The following MTHFS variants were observed in gnomAD, a reference collection of about 807,000 sequenced individuals.
The protein encoded by MTHFS is 5-formyltetrahydrofolate cyclo-ligase.
Under a neutral mutation model 12.7 loss-of-function variants are expected in MTHFS, and 7 were observed. That is an observed-to-expected ratio of 0.55 (90% CI 0.31 to 1.03). The LOEUF is 1.03. Ranked by LOEUF, MTHFS falls within the 50% of genes least tolerant of loss-of-function variation. MTHFS has a pLI of 0.05. For synonymous variants in MTHFS, 100 were observed against 97.1 expected (o/e 1.03, Z -0.18); for missense variants, 252 against 258.1 (o/e 0.98, Z 0.16).
intron 2 of MTHFS, among the ~76,000 whole-genome samples, chr15:79,866,633 T>C (rs1037476063): frequency 2.0e-5 from 3 of 152,098 alleles, no homozygotes; most frequent in African/African-American, 7.2e-5. Flanking sequence ...CACACGACCT[T>C]CCAAAACATT....
intron 1 of MTHFS, among the ~76,000 whole-genome samples, chr15:79,895,492 A>G (rs2034552192): frequency 6.6e-6 from 1 of 152,176 alleles, no homozygotes; most frequent in Non-Finnish European, 1.5e-5. Flanking sequence ...TTTCATCTCC[A>G]CAACCCAGTA....
chr15:79,849,639 GCT>G (rs1219912065), intron 2 of MTHFS, among the ~76,000 whole-genome samples: 1 of 152,226 alleles, frequency 6.6e-6, no homozygotes, highest in African/African-American at 2.4e-5. Context: ...CTCTGGCATT[GCT>G]CTGTTTTCAA....
chr15:79,869,306 T>C (rs28436696), intron 2 of MTHFS, among the ~76,000 whole-genome samples: 6,214 of 152,270 alleles, frequency 0.041, 351 homozygotes, highest in East Asian at 0.26. Context: ...AGTGCAAATA[T>C]TTCCCATTAA....
chr15:79,866,875 G>A (rs2034021022), intron 2 of MTHFS, among the ~76,000 whole-genome samples: 1 of 152,098 alleles, frequency 6.6e-6, no homozygotes, highest in South Asian at 2.1e-4. Flanking sequence ...AGAATCGCTT[G>A]AATCCGGGAG....
chr15:79,893,976 G>A (rs774566524), intron 1 of MTHFS, among the ~76,000 whole-genome samples: 1 of 152,164 alleles, frequency 6.6e-6, no homozygotes, highest in African/African-American at 2.4e-5. Flanking sequence ...CACCTTTATT[G>A]AGCATTCACT....
At chr15:79,882,751 G>A (rs1308498994) in intron 2 of MTHFS, among the ~76,000 whole-genome samples, 1 of 152,194 alleles carries the variant, frequency 6.6e-6, no homozygotes, top group Non-Finnish European at 1.5e-5. Flanking sequence ...CCCAATTCAG[G>A]TGTAGTAGCA....
intron 2 of MTHFS, among the ~76,000 whole-genome samples, chr15:79,875,557 C>A (rs1480644189): frequency 6.6e-6 from 1 of 152,108 alleles, no homozygotes; most frequent in Non-Finnish European, 1.5e-5. Context: ...CCAACTTATA[C>A]CATTTACAAC....
At chr15:79,871,110 T>G (rs2034097197) in intron 2 of MTHFS, among the ~76,000 whole-genome samples, 2 of 152,092 alleles carry the variant, frequency 1.3e-5, no homozygotes, top group African/African-American at 4.8e-5. Context: ...TCCATTCGAC[T>G]CCAGCCTAGG....
At chr15:79,870,372 T>C (rs2034081696) in intron 2 of MTHFS, among the ~76,000 whole-genome samples, 1 of 152,214 alleles carries the variant, frequency 6.6e-6, no homozygotes, top group Non-Finnish European at 1.5e-5. Context: ...AAAGATTCCA[T>C]GGCCTGAAAA....
rs1022607972 is a variant in MTHFS at position 79,844,091 on chromosome 15, G to A, written c.*1119C>T. On this transcript the variant is annotated 3_prime_UTR_variant, in exon 3 of 3. Coordinates refer to ENST00000258874, the MANE Select transcript of MTHFS (RefSeq NM_006441.4). Reference sequence around the variant, plus strand: ...GTAGATGAGGAGACCTCTCTTAAGGGGCTTTGTATACAACAGAAGCCATCT... The same window carrying A: ...GTAGATGAGGAGACCTCTCTTAAGGAGCTTTGTATACAACAGAAGCCATCT... The A allele has an allele frequency of 3.9e-5, 6 of 152,214 alleles. No individual in the cohort carries two copies. Among genetic ancestry groups the A allele is most frequent in the Non-Finnish European group, 8.8e-5 (6 of 68,080 alleles). 9.4% of individuals were successfully genotyped at this position (152,214 alleles called of 1,614,324 possible). A position where few individuals can be genotyped will look rare whatever the true frequency, so the allele number is the denominator to read the frequency against.
chr15:79,886,968 C>A (rs114873659), intron 2 of MTHFS, among the ~76,000 whole-genome samples: 1 of 152,250 alleles, frequency 6.6e-6, no homozygotes, highest in Admixed American at 6.5e-5. Context: ...AGGCCGGGCA[C>A]GGTGGCCTGT....
At chr15:79,896,504 A>C (rs1051497803) in intron 1 of MTHFS, among the ~76,000 whole-genome samples, 2 of 152,080 alleles carry the variant, frequency 1.3e-5, no homozygotes, top group African/African-American at 4.8e-5. Flanking sequence ...CTCCTCTACC[A>C]CAACTTTCTG....
intron 2 of MTHFS, among the ~76,000 whole-genome samples, chr15:79,871,971 G>A (rs28713233): frequency 0.022 from 3,350 of 151,862 alleles, 112 homozygotes; most frequent in African/African-American, 0.076. Context: ...CGGGCATGGT[G>A]GTGGCCACCT....
At chr15:79,859,487 T>C (rs1445026371) in intron 2 of MTHFS, among the ~76,000 whole-genome samples, 1 of 152,202 alleles carries the variant, frequency 6.6e-6, no homozygotes, top group Non-Finnish European at 1.5e-5. Flanking sequence ...GATTACTCAT[T>C]AAATGTGTTC....
chr15:79,889,375 A>G (rs758916471), intron 1 of MTHFS, 21 bp from the exon 2 acceptor site: 2 of 1,587,294 alleles, frequency 1.3e-6, no homozygotes, highest in South Asian at 2.2e-5. Flanking sequence ...AATTATGGCA[A>G]TTATATTTTC....
At chr15:79,849,146 C>A (rs765077855) in intron 2 of MTHFS, among the ~76,000 whole-genome samples, 1 of 152,124 alleles carries the variant, frequency 6.6e-6, no homozygotes, top group Non-Finnish European at 1.5e-5. Flanking sequence ...ATCGTACATG[C>A]GGTGTTGTTG....
intron 1 of MTHFS, among the ~76,000 whole-genome samples, chr15:79,891,555 C>T (rs993853324): frequency 2.0e-5 from 3 of 151,556 alleles, no homozygotes; most frequent in Non-Finnish European, 4.4e-5. Flanking sequence ...AGGAGAAAGC[C>T]GTGGAGTAGG....
At chr15:79,896,673 C>G (rs2034576246) in intron 1 of MTHFS, 199 bp downstream of exon 1, 1 of 998,566 alleles carries the variant, frequency 1.0e-6, no homozygotes, top group Admixed American at 3.5e-5. Flanking sequence ...ACCGGGCCCT[C>G]TCCCCGCCAT....
intron 2 of MTHFS, among the ~76,000 whole-genome samples, chr15:79,851,060 G>C (rs535691683): frequency 1.3e-5 from 2 of 152,176 alleles, no homozygotes; most frequent in East Asian, 3.8e-4. Context: ...ATAAGTGTTA[G>C]AGCCCAAGAG....
Sources: gnomAD v4.1 joint callset for allele counts (sites outside exome capture counted in the v4.1 genomes callset) on GRCh38, gnomAD v4.1.1 for gene constraint, MANE v1.5 for transcripts, NCBI Gene and HGNC (gene_info 2026-07-23, HGNC 2026-07-21) for gene names.